PTPRK: variants seen among roughly 807,000 people sequenced by gnomAD.
PTPRK encodes protein tyrosine phosphatase receptor type K, also known as receptor-type tyrosine-protein phosphatase kappa.
A neutral mutation model predicts 178.0 loss-of-function variants in PTPRK; 75 were observed. That is an observed-to-expected ratio of 0.42 (90% CI 0.35 to 0.51). The LOEUF (loss-of-function observed/expected upper bound fraction) is 0.51. PTPRK is among the 20% of genes least tolerant of loss of function. The pLI is 0.02. For missense variants in PTPRK, 1,441 were observed against 1,797.8 expected, an observed-to-expected ratio of 0.80 and a Z score of 3.59; for synonymous variants, 637 against 620.6, an observed-to-expected ratio of 1.03 and a Z score of -0.39.
At chr6:128,469,341 C>T (rs1389048489) in intron 1 of PTPRK, among the ~76,000 whole-genome samples, 1 of 152,140 alleles carries the variant, frequency 6.6e-6, no homozygotes, top group East Asian at 1.9e-4. Flanking sequence ...CTTCCAATAA[C>T]CTAAAAATAC....
chr6:128,106,986 C>A (rs1172083473), intron 7 of PTPRK, among the ~76,000 whole-genome samples: 1 of 152,028 alleles, frequency 6.6e-6, no homozygotes, highest in African/African-American at 2.4e-5. Flanking sequence ...ACTATAAATT[C>A]TTCAAAACTG....
intron 1 of PTPRK, among the ~76,000 whole-genome samples, chr6:128,484,457 A>C (rs1016299572): frequency 1.3e-5 from 2 of 152,128 alleles, no homozygotes; most frequent in African/African-American, 4.8e-5. Flanking sequence ...ACCTTCAATA[A>C]ATTTCTACCT....
chr6:128,285,514 A>T (rs1485688396), intron 3 of PTPRK, among the ~76,000 whole-genome samples: 2 of 131,350 alleles, frequency 1.5e-5, no homozygotes, highest in Non-Finnish European at 3.3e-5. Context: ...GACTCTGTCT[A>T]AAAAAAAAAA....
chr6:128,493,989 G>C (rs1447626106), intron 1 of PTPRK, among the ~76,000 whole-genome samples: 1 of 152,112 alleles, frequency 6.6e-6, no homozygotes, highest in African/African-American at 2.4e-5. Context: ...GCCTAACATA[G>C]TGCTGGTACA....
chr6:128,463,181 A>G (rs1487547811), intron 1 of PTPRK, among the ~76,000 whole-genome samples: 2 of 152,204 alleles, frequency 1.3e-5, no homozygotes, highest in African/African-American at 4.8e-5. Flanking sequence ...TGCCCCCTAT[A>G]TGACAAATGC....
intron 3 of PTPRK, among the ~76,000 whole-genome samples, chr6:128,319,819 T>C (rs1197662582): frequency 6.6e-6 from 1 of 152,152 alleles, no homozygotes; most frequent in Non-Finnish European, 1.5e-5. Flanking sequence ...ATGTTGGTTG[T>C]TTCTAATCAC....
intron 11 of PTPRK, among the ~76,000 whole-genome samples, chr6:128,070,998 T>C (rs1782725919): frequency 6.6e-6 from 1 of 151,868 alleles, no homozygotes; most frequent in Non-Finnish European, 1.5e-5. Flanking sequence ...CCGAGCATTA[T>C]TTGAAGAGTA....
chr6:128,198,825 TACTG>T (rs1805390854), intron 6 of PTPRK, among the ~76,000 whole-genome samples: 1 of 152,236 alleles, frequency 6.6e-6, no homozygotes, highest in Non-Finnish European at 1.5e-5. Context: ...TCTCTTCACT[TACTG>T]ACTTTCTTGA....
At chr6:128,200,683 CT>C (rs1437130622) in intron 6 of PTPRK, among the ~76,000 whole-genome samples, 2 of 150,854 alleles carry the variant, frequency 1.3e-5, no homozygotes, top group Non-Finnish European at 2.9e-5. Context: ...GTGAACCAGT[CT>C]AGGTGACAGA....
chr6:127,989,312 A>T (rs1411832037), intron 21 of PTPRK, among the ~76,000 whole-genome samples: 1 of 151,954 alleles, frequency 6.6e-6, no homozygotes, highest in East Asian at 1.9e-4. Flanking sequence ...ATTCTACTTG[A>T]TTTGTCTAAG....
intron 1 of PTPRK, among the ~76,000 whole-genome samples, chr6:128,493,639 C>A: frequency 7.4e-6 from 1 of 134,890 alleles, no homozygotes; most frequent in East Asian, 2.2e-4. Context: ...CACACACACA[C>A]ACACACAGAA....
intron 7 of PTPRK, among the ~76,000 whole-genome samples, chr6:128,182,230 A>T (rs1480936568): frequency 5.9e-5 from 9 of 152,162 alleles, no homozygotes; most frequent in Admixed American, 5.9e-4. Context: ...AGAAAAAAGA[A>T]TCAGATAAAA....
At chr6:128,046,225 C>T (rs904996435) in intron 13 of PTPRK, among the ~76,000 whole-genome samples, 7 of 152,140 alleles carry the variant, frequency 4.6e-5, no homozygotes, top group Admixed American at 4.6e-4. Flanking sequence ...TTCCTCCCTT[C>T]TGAGTTCAGG....
At chr6:128,022,458 T>C (rs1182317921) in intron 13 of PTPRK, among the ~76,000 whole-genome samples, 5 of 152,188 alleles carry the variant, frequency 3.3e-5, no homozygotes, top group Non-Finnish European at 1.5e-5. Context: ...CTTTAGTATA[T>C]TTACTTTTTC....
intron 7 of PTPRK, among the ~76,000 whole-genome samples, chr6:128,121,790 C>T (rs1386092828): frequency 2.0e-5 from 3 of 151,968 alleles, no homozygotes; most frequent in Non-Finnish European, 4.4e-5. Flanking sequence ...CAGCAATCAA[C>T]TTGAAGATTA....
At chr6:128,027,469 G>C (rs1296627124) in intron 13 of PTPRK, among the ~76,000 whole-genome samples, 6 of 151,630 alleles carry the variant, frequency 4.0e-5, no homozygotes, top group Non-Finnish European at 7.4e-5. Context: ...AAGTCAAACT[G>C]ACCTTTAAAA....
intron 3 of PTPRK, among the ~76,000 whole-genome samples, chr6:128,255,207 G>A (rs1003978565): frequency 7.2e-5 from 11 of 151,920 alleles, no homozygotes; most frequent in African/African-American, 2.7e-4. Flanking sequence ...GCCAGGATGG[G>A]CTCGATCTCC....
intron 1 of PTPRK, chr6:128,518,889 G>A: frequency 2.3e-6 from 1 of 431,884 alleles, no homozygotes; most frequent in Non-Finnish European, 4.7e-6. Flanking sequence ...AAATGGGGCG[G>A]GGGTAGGAGA....
intron 1 of PTPRK, among the ~76,000 whole-genome samples, chr6:128,445,286 T>C (rs1000706711): frequency 2.2e-5 from 3 of 138,114 alleles, no homozygotes; most frequent in Non-Finnish European, 4.7e-5. Context: ...CTATATATAA[T>C]AGTATATTAT....
Sources: gnomAD v4.1 joint callset for allele counts (sites outside exome capture counted in the v4.1 genomes callset) on GRCh38, gnomAD v4.1.1 for gene constraint, MANE v1.5 for transcripts, NCBI Gene and HGNC (gene_info 2026-07-23, HGNC 2026-07-21) for gene names.